DAPP1: variants seen among roughly 807,000 people sequenced by gnomAD.
The protein encoded by DAPP1 is dual adaptor of phosphotyrosine and 3-phosphoinositides 1, also known as dual adapter for phosphotyrosine and 3-phosphotyrosine and 3-phosphoinositide.
In DAPP1, 20 loss-of-function variants were observed where a neutral mutation model predicts 41.5. The observed-to-expected ratio is 0.48, with a 90% confidence interval of 0.34 to 0.70. DAPP1 has a LOEUF of 0.70. DAPP1 is among the 30% of genes least tolerant of loss of function. The pLI is 0.01. For missense variants in DAPP1, 233 were observed against 333.4 expected (o/e 0.70, Z 2.35); for synonymous variants, 113 against 116.2 (o/e 0.97, Z 0.18).
intron 7 of DAPP1, chr4:99,865,224 GA>G (rs1578193590): frequency 1.3e-5 from 2 of 152,192 alleles, no homozygotes; most frequent in Admixed American, 6.5e-5. Flanking sequence ...AAACCCTTCT[GA>G]AGGCTTTTTC....
At chr4:99,827,813 G>A (rs527424973) in intron 1 of DAPP1, among the ~76,000 whole-genome samples, 11 of 152,294 alleles carry the variant, frequency 7.2e-5, no homozygotes, top group African/African-American at 2.4e-4. Flanking sequence ...AGTTCTTTGG[G>A]TGATAAGGTC....
intron 4 of DAPP1, among the ~76,000 whole-genome samples, chr4:99,857,147 C>T (rs1724071524): frequency 6.6e-6 from 1 of 152,178 alleles, no homozygotes. Flanking sequence ...CCCAAAATCT[C>T]AGTAGTACCT....
At chr4:99,826,424 A>C (rs1722939624) in intron 1 of DAPP1, among the ~76,000 whole-genome samples, 1 of 152,220 alleles carries the variant, frequency 6.6e-6, no homozygotes, top group Non-Finnish European at 1.5e-5. Flanking sequence ...TTTGCGTTGA[A>C]ATATATGTCC....
At chr4:99,838,796 A>G (rs575532677) in intron 2 of DAPP1, among the ~76,000 whole-genome samples, 1 of 152,346 alleles carries the variant, frequency 6.6e-6, no homozygotes, top group East Asian at 1.9e-4. Context: ...AGCCTCACAG[A>G]GCCAAAAAGA....
intron 3 of DAPP1, among the ~76,000 whole-genome samples, chr4:99,852,525 C>G (rs1035094773): frequency 2.6e-5 from 4 of 152,194 alleles, no homozygotes; most frequent in Non-Finnish European, 5.9e-5. Flanking sequence ...AGCCCTTTTT[C>G]TGCCTGGAGG....
At chr4:99,822,805 G>A (rs569727748) in intron 1 of DAPP1, among the ~76,000 whole-genome samples, 27 of 152,154 alleles carry the variant, frequency 1.8e-4, no homozygotes, top group South Asian at 4.1e-4. Flanking sequence ...ACCAACTCCC[G>A]TAGAGGATAA....
chr4:99,849,390 T>G (rs1723778304), intron 3 of DAPP1, among the ~76,000 whole-genome samples: 1 of 152,226 alleles, frequency 6.6e-6, no homozygotes, highest in South Asian at 2.1e-4. Context: ...ATTCATTAAT[T>G]CATTCACTCA....
At chr4:99,863,557 A>G (rs1724313844) in intron 6 of DAPP1, among the ~76,000 whole-genome samples, 1 of 152,146 alleles carries the variant, frequency 6.6e-6, no homozygotes, top group Non-Finnish European at 1.5e-5. Context: ...AAGTTGATAA[A>G]GGTAGTAACT....
At chr4:99,842,153 G>T (rs1398858315) in intron 3 of DAPP1, among the ~76,000 whole-genome samples, 3 of 152,218 alleles carry the variant, frequency 2.0e-5, no homozygotes, top group African/African-American at 7.2e-5. Flanking sequence ...TATTGCATTT[G>T]GGACAATGAT....
intron 8 of DAPP1, among the ~76,000 whole-genome samples, chr4:99,866,895 G>A (rs923940652): frequency 6.7e-6 from 1 of 149,128 alleles, no homozygotes; most frequent in East Asian, 2.0e-4. Flanking sequence ...TCAGCCTCCC[G>A]AATAGCTGGG....
At chr4:99,827,896 A>G (rs150683866) in intron 1 of DAPP1, among the ~76,000 whole-genome samples, 1 of 152,230 alleles carries the variant, frequency 6.6e-6, no homozygotes, top group Non-Finnish European at 1.5e-5. Flanking sequence ...AAGAAGGTGC[A>G]TTCTAAATGC....
At chr4:99,865,131 C>T (rs1308061958) in intron 7 of DAPP1, 1 of 152,262 alleles carries the variant, frequency 6.6e-6, no homozygotes, top group African/African-American at 2.4e-5. Context: ...GTATTAGCTT[C>T]TATGCACAGA....
At chr4:99,827,156 G>A (rs1722961363) in intron 1 of DAPP1, among the ~76,000 whole-genome samples, 1 of 152,146 alleles carries the variant, frequency 6.6e-6, no homozygotes, top group South Asian at 2.1e-4. Flanking sequence ...AGGGGCCTGA[G>A]GTTGTGTGTG....
chr4:99,838,674 C>G (rs1003773716), intron 2 of DAPP1, among the ~76,000 whole-genome samples: 5 of 152,216 alleles, frequency 3.3e-5, no homozygotes, highest in African/African-American at 1.2e-4. Flanking sequence ...CTTGCTCACC[C>G]ACTGCTCACC....
At chr4:99,838,867 T>TA (rs1723392347) in intron 2 of DAPP1, among the ~76,000 whole-genome samples, 1 of 152,068 alleles carries the variant, frequency 6.6e-6, no homozygotes, top group South Asian at 2.1e-4. Context: ...GAAAGCAAGA[T>TA]AAGTGTTTAG....
chr4:99,860,025 A>T (rs1724183151), intron 4 of DAPP1, among the ~76,000 whole-genome samples: 1 of 152,250 alleles, frequency 6.6e-6, no homozygotes, highest in African/African-American at 2.4e-5. Context: ...CTGGCAGGCA[A>T]GTAGGTAGTA....
At chr4:99,840,071 A>G (rs1009622049) in intron 2 of DAPP1, among the ~76,000 whole-genome samples, 2 of 152,158 alleles carry the variant, frequency 1.3e-5, no homozygotes, top group African/African-American at 4.8e-5. Flanking sequence ...CAAAATAGTA[A>G]ATAAATAAAT....
chr4:99,861,111 C>T (rs1266317753), intron 4 of DAPP1, among the ~76,000 whole-genome samples: 2 of 152,108 alleles, frequency 1.3e-5, no homozygotes. Context: ...AGTAAAAATG[C>T]TATTTCTAAG....
intron 7 of DAPP1, 77 bp from the exon 8 acceptor site, chr4:99,865,957 T>TA (rs1228276084): frequency 0.023 from 1,607 of 68,402 alleles, 47 homozygotes; most frequent in African/African-American, 0.061. Flanking sequence ...ATATATTATA[T>TA]TATATATATT....
Sources: gnomAD v4.1 joint callset for allele counts (sites outside exome capture counted in the v4.1 genomes callset) on GRCh38, gnomAD v4.1.1 for gene constraint, MANE v1.5 for transcripts, NCBI Gene and HGNC (gene_info 2026-07-23, HGNC 2026-07-21) for gene names.